The following PTPN23 variants were observed in gnomAD, a reference collection of about 807,000 sequenced individuals.
PTPN23 encodes the protein tyrosine-protein phosphatase non-receptor type 23.
PTPN23 carries 72 observed loss-of-function variants against 156.3 expected under a neutral mutation model. The ratio of observed to expected loss-of-function variants is 0.46; its 90% CI spans 0.38 to 0.56. The LOEUF is 0.56. PTPN23 is among the 20% of genes least tolerant of loss of function. PTPN23 has a pLI of 0.00. For synonymous variants in PTPN23, 957 were observed against 899.6 expected, an observed-to-expected ratio of 1.06 and a Z score of -1.14; for missense variants, 1,974 against 2,171.5, an observed-to-expected ratio of 0.91 and a Z score of 1.81.
At position 47,406,276 on chromosome 3, in the gene PTPN23, G is replaced by T; in HGVS notation, c.547-49G>T. On this transcript the variant is annotated intron_variant, in intron 6 of 24. Coordinates refer to ENST00000265562, the MANE Select transcript of PTPN23 (RefSeq NM_015466.4). The surrounding 1 kb of genome is among the most constrained non-coding windows in gnomAD (Gnocchi z 5.8). ...TGGGGAAGGATAAAGGGAAGGGGAA[G>T]CGGGAGGCCTTGGGTGAGCGAGGGA... is the stretch of plus-strand genomic sequence containing the variant. The T allele has an allele frequency of 6.2e-7, 1 of 1,600,846 alleles. No individual in the cohort carries two copies. Among genetic ancestry groups the T allele is most frequent in the South Asian group, 1.1e-5 (1 of 90,538 alleles).
chr3:47,382,323 C>CT (rs11438597), intron 1 of PTPN23, among the ~76,000 whole-genome samples: 11,529 of 141,046 alleles, frequency 0.082, 1,320 homozygotes, highest in African/African-American at 0.25. Flanking sequence ...TTTTTCCTAC[C>CT]TTTTTTTTTT....
At chr3:47,382,961 A>G (rs1302023838) in intron 1 of PTPN23, among the ~76,000 whole-genome samples, 6 of 152,096 alleles carry the variant, frequency 3.9e-5, no homozygotes, top group Non-Finnish European at 7.4e-5. Flanking sequence ...TGCTGGGATT[A>G]TAGGCATGAG....
In PTPN23 at chr3:47,407,625, T is replaced by G. The variant is rs1576226681; in HGVS notation, c.1003+41T>G. On this transcript the variant is annotated intron_variant, in intron 12 of 24. Coordinates refer to ENST00000265562, the MANE Select transcript of PTPN23 (RefSeq NM_015466.4). The surrounding 1 kb of genome is among the most constrained non-coding windows in gnomAD (Gnocchi z 4.0). The stretch of plus-strand genomic sequence containing the variant: ...GGTGGGGGCAGAGGTGACGGTGGGG[T>G]GGGGACAGGACACAGGAGGCTGCCT... 6.2e-7 allele frequency: 1 copy of G among 1,604,742 alleles called. No individual in the cohort carries two copies. The highest frequency in any genetic ancestry group is 1.1e-5 in the South Asian group (1 of 90,828).
In PTPN23 at chr3:47,413,210, A is replaced by C; in HGVS notation, c.*25A>C. 6.3e-7 allele frequency: 1 copy of C among 1,587,812 alleles called. No individual in the cohort carries two copies. The highest frequency in any genetic ancestry group is 8.6e-7 in the Non-Finnish European group (1 of 1,165,400). ...AACAGGTTTTGCCTACCTGGTCCTT[A>C]CACTACATCATCATCATCTCATGCC... On this transcript the variant is annotated 3_prime_UTR_variant, in exon 25 of 25. Coordinates refer to ENST00000265562, the MANE Select transcript of PTPN23 (RefSeq NM_015466.4).
At chr3:47,384,146 T>A (rs1023055968) in intron 1 of PTPN23, among the ~76,000 whole-genome samples, 1 of 151,804 alleles carries the variant, frequency 6.6e-6, no homozygotes, top group South Asian at 2.1e-4. Flanking sequence ...AAAGGAAATT[T>A]AAAAATTATA....
Position 47,411,132 on chromosome 3 carries a change from C to A in PTPN23, c.3334C>A (p.Arg1112=). Residue 1112 remains arginine, a synonymous_variant, in exon 20 of 25, where the codon CGA becomes AGA. Transcript: ENST00000265562. The surrounding 1 kb of genome is among the most constrained non-coding windows in gnomAD (Gnocchi z 6.3). ...PAAEPPPCLR[R]GAAAADLLSS... ...AGCAGAACCACCCCCTTGCCTGCGCCGAGGCGCCGCAGCTGCAGACCTGCT... is the reference window on the plus strand; with the variant it reads ...AGCAGAACCACCCCCTTGCCTGCGCAGAGGCGCCGCAGCTGCAGACCTGCT... The A allele has an allele frequency of 6.2e-7, 1 of 1,600,924 alleles. No individual in the cohort carries two copies. The highest frequency in any genetic ancestry group is 8.5e-7 in the Non-Finnish European group (1 of 1,175,184).
At chr3:47,390,980 C>T (rs1052013493) in intron 1 of PTPN23, among the ~76,000 whole-genome samples, 1 of 152,110 alleles carries the variant, frequency 6.6e-6, no homozygotes. Flanking sequence ...CGTGATGGCT[C>T]ATGTCTGTAA....
At chr3:47,408,063 C>T in intron 14 of PTPN23, 108 bp downstream of exon 14, 1 of 1,355,708 alleles carries the variant, frequency 7.4e-7, no homozygotes, top group Non-Finnish European at 1.0e-6. Flanking sequence ...CCATTCCAAA[C>T]AGGTTTCCCA....
At chr3:47,398,185 G>C (rs1704918723) in intron 2 of PTPN23, among the ~76,000 whole-genome samples, 1 of 152,190 alleles carries the variant, frequency 6.6e-6, no homozygotes. Flanking sequence ...TGTAATCCCA[G>C]CTACTAGGGA....
chr3:47,399,731 A>C (rs1481228139), intron 2 of PTPN23, among the ~76,000 whole-genome samples: 1 of 152,198 alleles, frequency 6.6e-6, no homozygotes, highest in Non-Finnish European at 1.5e-5. Context: ...AAAAGCTCAC[A>C]CATGGCCATC....
chr3:47,409,658 G>T lies in PTPN23; in HGVS notation c.1953G>T (p.Trp651Cys). 1.2e-6 allele frequency: 2 copies of T among 1,612,356 alleles called. No homozygotes were observed. The highest frequency in any genetic ancestry group is 2.2e-5 in the South Asian group (2 of 91,016). Residue 651 changes from tryptophan (W) to cysteine (C), a missense_variant, in exon 19 of 25, where the codon TGG becomes TGT. This residue lies in a region of PTPN23 where 726 missense variants were observed against 929.5 expected (regional missense o/e 0.78). Transcript: ENST00000265562. ...RRVLSDLDQK[W>C]NSTLQTLVAS... ...AGCTGGCCCTTCTGCCCACCAGGTG[G>T]AACTCCACGCTGCAGACCCTGGTGG...
intron 1 of PTPN23, among the ~76,000 whole-genome samples, chr3:47,386,222 A>G (rs1341285789): frequency 1.3e-5 from 2 of 151,864 alleles, no homozygotes; most frequent in African/African-American, 2.4e-5. Context: ...TGGGGTATAA[A>G]TGGTGCAATC....
chr3:47,388,945 G>A (rs1233514231), intron 1 of PTPN23, among the ~76,000 whole-genome samples: 1 of 151,996 alleles, frequency 6.6e-6, no homozygotes, highest in Non-Finnish European at 1.5e-5. Context: ...GATTGCAGGT[G>A]TGAGCCACCA....
At chr3:47,396,293 G>C in intron 2 of PTPN23, 76 bp downstream of exon 2, 2 of 1,270,820 alleles carry the variant, frequency 1.6e-6, no homozygotes, top group Non-Finnish European at 2.2e-6. Flanking sequence ...AACTGCCTAG[G>C]CTGGGCATGG....
intron 2 of PTPN23, among the ~76,000 whole-genome samples, chr3:47,398,561 A>G (rs1411719346): frequency 6.6e-6 from 1 of 151,644 alleles, no homozygotes; most frequent in Non-Finnish European, 1.5e-5. Context: ...ATGTAAACTT[A>G]AAGTTTTTTT....
rs201738280 is a variant in PTPN23, at chr3:47,411,735, C to T, written c.3889-48C>T. On this transcript the variant is annotated intron_variant, in intron 20 of 24. Transcript: ENST00000265562. This position sits in a 1 kb window ranked among gnomAD's most constrained non-coding sequence, Gnocchi z 6.3. Reference sequence around the variant, plus strand: ...ACGAGGGCAGTGTGGGGTGGCAGGGCAGGGGATCCTGGAAAACCAGGTCTG... The same window carrying T: ...ACGAGGGCAGTGTGGGGTGGCAGGGTAGGGGATCCTGGAAAACCAGGTCTG... 5.0e-6 allele frequency: 8 copies of T among 1,591,514 alleles called. No individual in the cohort carries two copies. Among genetic ancestry groups the T allele is most frequent in the Non-Finnish European group, 6.9e-6 (8 of 1,165,034 alleles).
At chr3:47,391,912 G>C (rs563344618) in intron 1 of PTPN23, among the ~76,000 whole-genome samples, 1 of 152,258 alleles carries the variant, frequency 6.6e-6, no homozygotes, top group Non-Finnish European at 1.5e-5. Context: ...TTTTGAGATA[G>C]TGTCACACTC....
chr3:47,385,487 G>C (rs1014751808), intron 1 of PTPN23, among the ~76,000 whole-genome samples: 1 of 152,106 alleles, frequency 6.6e-6, no homozygotes, highest in Non-Finnish European at 1.5e-5. Context: ...GACCAGCCTG[G>C]CCAATATGAT....
intron 1 of PTPN23, among the ~76,000 whole-genome samples, chr3:47,391,306 A>G (rs1704768253): frequency 6.6e-6 from 1 of 152,242 alleles, no homozygotes; most frequent in Non-Finnish European, 1.5e-5. Context: ...ATGGTCTAAT[A>G]TGGAAAGAAC....
Sources: allele counts gnomAD v4.1 joint callset (sites outside exome capture counted in the v4.1 genomes callset), GRCh38; gene constraint gnomAD v4.1.1; regional missense constraint gnomAD v4.1.1; non-coding constraint Gnocchi (gnomAD v3.1); transcripts MANE v1.5; gene names NCBI Gene and HGNC (gene_info 2026-07-23, HGNC 2026-07-21).